GNB4: variants seen among roughly 807,000 people sequenced by gnomAD.
The protein encoded by GNB4 is G protein subunit beta 4.
A neutral mutation model predicts 45.2 loss-of-function variants in GNB4; 28 were observed. The observed-to-expected ratio is 0.62, with a 90% CI of 0.46 to 0.85. The LOEUF is 0.85. Among genes scored for constraint, GNB4 ranks in the 40% least tolerant of loss-of-function variants. The pLI is 0.00. For synonymous variants in GNB4, 132 were observed against 143.7 expected (o/e 0.92, Z 0.58); for missense variants, 321 against 425.4 (o/e 0.75, Z 2.16).
upstream of GNB4, among the ~76,000 whole-genome samples, chr3:179,451,911 A>T (rs1229407452): frequency 6.6e-6 from 1 of 152,132 alleles, no homozygotes; most frequent in Non-Finnish European, 1.5e-5. Flanking sequence ...GTCAGAAAGT[A>T]AACTGAAGCC....
rs1310410226 is a variant in GNB4, at chr3:179,399,051, G to A, written c.*2162C>T. The A allele has an allele frequency of 1.3e-5, 2 of 152,028 alleles. No individual in the cohort carries two copies. The highest frequency in any genetic ancestry group is 2.9e-5 in the Non-Finnish European group (2 of 67,998). 9.4% of individuals were successfully genotyped at this position (152,028 alleles called of 1,614,324 possible). ...GGTTATTTTTATGCATAATAGAATT[G>A]CTTTCTTCTGACTAACCTACATGGC... On this transcript the variant is annotated 3_prime_UTR_variant, in exon 10 of 10. Transcript: ENST00000232564.
At chr3:179,443,698 A>G (rs186145679) in intron 1 of GNB4, among the ~76,000 whole-genome samples, 3 of 152,316 alleles carry the variant, frequency 2.0e-5, no homozygotes, top group African/African-American at 7.2e-5. Flanking sequence ...ACTTATGGTG[A>G]TACTGTTCTG....
At chr3:179,410,766 A>C (rs1440239251) in intron 8 of GNB4, among the ~76,000 whole-genome samples, 1 of 152,222 alleles carries the variant, frequency 6.6e-6, no homozygotes, top group Non-Finnish European at 1.5e-5. Context: ...TTCAACCCAC[A>C]GTCCCAGACT....
chr3:179,492,171 C>G, the GNB4 span, among the ~76,000 whole-genome samples: 1 of 152,270 alleles, frequency 6.6e-6, no homozygotes, highest in African/African-American at 2.4e-5. Flanking sequence ...AAAAGGAGAG[C>G]AAGAAAACTC....
Position 179,420,811 on chromosome 3 carries a change from G to A in GNB4, c.96+78C>T, listed in dbSNP as rs180903134. On this transcript the variant is annotated intron_variant, in intron 3 of 9. Transcript: ENST00000232564. ...TTTTTTCAATTAAGCACTAATACAA[G>A]AATCTGAATGTCATTTGCCTCTATG... The A allele has an allele frequency of 4.5e-6, 4 of 880,034 alleles. No homozygotes were observed. The African/African-American group carries it at 6.7e-5, about 15-fold the overall frequency. 54.5% of individuals were successfully genotyped at this position (880,034 alleles called of 1,614,324 possible).
the GNB4 span, among the ~76,000 whole-genome samples, chr3:179,511,470 T>C: frequency 6.6e-6 from 1 of 152,168 alleles, no homozygotes; most frequent in African/African-American, 2.4e-5. Flanking sequence ...GGTGAAGAAA[T>C]GTTCCCAAAT....
At chr3:179,425,546 T>C (rs1010400169) in intron 2 of GNB4, among the ~76,000 whole-genome samples, 5 of 152,112 alleles carry the variant, frequency 3.3e-5, no homozygotes, top group Non-Finnish European at 5.9e-5. Flanking sequence ...GTTCAGCTCG[T>C]TGCAACCTCC....
the GNB4 span, among the ~76,000 whole-genome samples, chr3:179,503,527 A>G: frequency 3.9e-5 from 6 of 152,242 alleles, no homozygotes; most frequent in Non-Finnish European, 7.3e-5. Flanking sequence ...CGTTATGTCC[A>G]TGGCTTTATC....
chr3:179,480,649 G>A, the GNB4 span, among the ~76,000 whole-genome samples: 3 of 151,864 alleles, frequency 2.0e-5, no homozygotes, highest in Non-Finnish European at 2.9e-5. Flanking sequence ...AGGGGTTTTT[G>A]TTTCTTATCC....
At chr3:179,450,507 G>T (rs1715840712) in intron 1 of GNB4, among the ~76,000 whole-genome samples, 1 of 152,136 alleles carries the variant, frequency 6.6e-6, no homozygotes, top group Non-Finnish European at 1.5e-5. Context: ...TAAGCCACAC[G>T]CCAAGCTACT....
the GNB4 span, among the ~76,000 whole-genome samples, chr3:179,518,205 C>T: frequency 6.6e-6 from 1 of 152,176 alleles, no homozygotes; most frequent in Admixed American, 6.5e-5. Context: ...TTCTGCAATG[C>T]TGCTTGACCC....
intron 1 of GNB4, 105 bp downstream of exon 1, chr3:179,451,241 C>T (rs1715865525): frequency 6.6e-6 from 1 of 151,642 alleles, no homozygotes. Context: ...TCACCCGGGC[C>T]CCGTTCCGCA....
chr3:179,494,512 A>C, the GNB4 span, among the ~76,000 whole-genome samples: 1 of 151,862 alleles, frequency 6.6e-6, no homozygotes, highest in Non-Finnish European at 1.5e-5. Context: ...ATATCAAAAA[A>C]AGAAAAAAAA....
At chr3:179,490,697 C>T in the GNB4 span, among the ~76,000 whole-genome samples, 7 of 152,134 alleles carry the variant, frequency 4.6e-5, no homozygotes, top group Non-Finnish European at 8.8e-5. Context: ...AGAGACCAAC[C>T]TGCCTTTCCT....
At chr3:179,431,058 A>G (rs1715296493) in intron 1 of GNB4, among the ~76,000 whole-genome samples, 1 of 152,222 alleles carries the variant, frequency 6.6e-6, no homozygotes, top group Non-Finnish European at 1.5e-5. Flanking sequence ...TACCAAAATT[A>G]ACAGAAATTA....
rs933465432 is a variant in GNB4, at chr3:179,399,883, G to A, written c.*1330C>T. 3 of 152,162 alleles carry A rather than the reference G, an allele frequency of 2.0e-5. No individual in the cohort carries two copies. Among genetic ancestry groups the A allele is most frequent in the Non-Finnish European group, 4.4e-5 (3 of 68,040 alleles). The allele number at this position is 152,162 out of a possible 1,614,324, so 9.4% of individuals were successfully genotyped here. On this transcript the variant is annotated 3_prime_UTR_variant, in exon 10 of 10. Coordinates refer to ENST00000232564, the MANE Select transcript of GNB4 (RefSeq NM_021629.4). Reference sequence around the variant, plus strand: ...GTCATTTAGACTTATTTGTAAAAGAGAATCCAACAGGAAAAGTATCTTTAA... The same window carrying A: ...GTCATTTAGACTTATTTGTAAAAGAAAATCCAACAGGAAAAGTATCTTTAA...
chr3:179,507,175 C>T, the GNB4 span, among the ~76,000 whole-genome samples: 1 of 152,196 alleles, frequency 6.6e-6, no homozygotes, highest in Non-Finnish European at 1.5e-5. Flanking sequence ...TCTGCCACTA[C>T]CCTAGTTTAG....
intron 9 of GNB4, among the ~76,000 whole-genome samples, 172 bp from the exon 10 acceptor site, chr3:179,401,491 AG>A (rs1156873858): frequency 6.6e-5 from 10 of 152,356 alleles, no homozygotes; most frequent in African/African-American, 2.4e-4. Flanking sequence ...CTGAGTAAGA[AG>A]ACAAGTTAGG....
chr3:179,511,735 C>CA, the GNB4 span, among the ~76,000 whole-genome samples: 2,833 of 148,976 alleles, frequency 0.019, 34 homozygotes, highest in Non-Finnish European at 0.029. Context: ...TTGTGTTTGT[C>CA]AAAAAAAAAG....
Sources: allele counts gnomAD v4.1 joint callset (sites outside exome capture counted in the v4.1 genomes callset), GRCh38; gene constraint gnomAD v4.1.1; transcripts MANE v1.5; gene names NCBI Gene and HGNC (gene_info 2026-07-23, HGNC 2026-07-21).